The following ZNF630 variants were observed in gnomAD, a reference collection of about 807,000 sequenced individuals.
ZNF630 encodes the protein zinc finger protein 630, also known as dJ54B20.2 (novel KRAB box containing C2H2 type zinc finger protein).
ZNF630 carries 5 observed loss-of-function variants against 7.2 expected under a neutral mutation model. That is an observed-to-expected ratio of 0.70 (90% CI 0.36 to 1.46). ZNF630 has a LOEUF of 1.46. Among genes scored for constraint, ZNF630 ranks in the 40% most tolerant of loss-of-function variants. The pLI is 0.03. For synonymous variants in ZNF630, 158 were observed against 162.8 expected, an observed-to-expected ratio of 0.97 and a Z score of 0.23; for missense variants, 461 against 477.0, an observed-to-expected ratio of 0.97 and a Z score of 0.31.
chrX:48,070,392 C>T (rs2059154632), intron 1 of ZNF630, among the ~76,000 whole-genome samples: 1 of 107,520 alleles, frequency 9.3e-6, no homozygotes, highest in Non-Finnish European at 1.9e-5. Context: ...GGGTGTATCA[C>T]CTGAGGTCAA....
At position 48,059,079 on chromosome X, in the gene ZNF630, C is replaced by T. The variant is rs201953169; in HGVS notation, c.1363G>A (p.Gly455Arg). 1.2e-4 allele frequency: 143 copies of T among 1,206,699 alleles called. No individual in the cohort carries two copies. In the East Asian group the frequency reaches 3.0e-3, roughly 26 times the overall value. The part of the protein sequence containing the change: ...HLIGHQRIHT[G>R]EKPYVCTDCG... ...TCAGTACACACATAAGGTTTTTCTC[C>T]TGTATGAATTCTTTGATGTCCTATG... Residue 455 changes from glycine to arginine, a missense_variant, in exon 5 of 5, where the codon GGA becomes AGA. Coordinates refer to ENST00000276054, the MANE Select transcript of ZNF630 (RefSeq NM_001282201.2).
At position 48,069,097 on chromosome X, in the gene ZNF630, C is replaced by A. The variant is rs782487257; in HGVS notation, c.-175-2036G>T. On this transcript the variant is annotated intron_variant, in intron 1 of 4. Transcript: ENST00000276054. ...TCTACAAAAAATAAACAAAATTAGCCGGGCGTGGTGGTGCACACCTGTAGT... is the reference window on the plus strand; with the variant it reads ...TCTACAAAAAATAAACAAAATTAGCAGGGCGTGGTGGTGCACACCTGTAGT... Among the ~76,000 whole-genome samples the A allele has an allele frequency of 3.2e-4, 35 of 109,689 alleles. 1 individual carries two copies. Among genetic ancestry groups the A allele is most frequent in the African/African-American group, 1.1e-3 (33 of 29,971 alleles).
rs1266838392 is a variant in ZNF630, at chrX:48,071,418, C to T, written c.-327G>A. 2.7e-5 allele frequency: 3 copies of T among 111,266 alleles called. No individual in the cohort carries two copies. Among genetic ancestry groups the T allele is most frequent in the African/African-American group, 9.8e-5 (3 of 30,482 alleles). The allele number at this position is 111,266 out of a possible 1,213,427, so 9.2% of individuals were successfully genotyped here. Reference sequence around the variant, plus strand: ...GGTGGCTCCGAAACAGCCACGAAGCCGAGCTCTACCAGTAACAAAAATGGC... The same window carrying T: ...GGTGGCTCCGAAACAGCCACGAAGCTGAGCTCTACCAGTAACAAAAATGGC... On this transcript the variant is annotated 5_prime_UTR_variant, in exon 1 of 5. Transcript: ENST00000276054.
intron 2 of ZNF630, among the ~76,000 whole-genome samples, chrX:48,062,023 A>C (rs1556909266): frequency 8.9e-6 from 1 of 112,015 alleles, no homozygotes; most frequent in Non-Finnish European, 1.9e-5. Flanking sequence ...CATGAAGATA[A>C]ATGCAAACTA....
chrX:48,062,574 A>G (rs1048270803), intron 2 of ZNF630, among the ~76,000 whole-genome samples: 2 of 112,047 alleles, frequency 1.8e-5, no homozygotes, highest in South Asian at 7.3e-4. Context: ...TCTCTACTAA[A>G]AATACAAAAA....
chrX:48,068,296 G>A (rs1556910482), intron 1 of ZNF630, among the ~76,000 whole-genome samples: 1 of 96,732 alleles, frequency 1.0e-5, no homozygotes, highest in South Asian at 4.6e-4. Flanking sequence ...AGGAAGGAAG[G>A]AAGAAAGGGA....
chrX:48,061,358 C>T (rs782452978), intron 2 of ZNF630, among the ~76,000 whole-genome samples: 1 of 110,413 alleles, frequency 9.1e-6, no homozygotes, highest in South Asian at 3.8e-4. Flanking sequence ...CTAAGCATGC[C>T]CCAAAACCCA....
intron 4 of ZNF630, 52 bp downstream of exon 4, chrX:48,060,398 T>G: frequency 1.8e-6 from 2 of 1,095,619 alleles, no homozygotes; most frequent in South Asian, 4.0e-5. Context: ...ATGTCAGAGA[T>G]GTCAAGGAAG....
In ZNF630 at chrX:48,059,003, A is replaced by T; in HGVS notation, c.1439T>A (p.Leu480His). 8.3e-7 allele frequency: 1 copy of T among 1,206,723 alleles called. No individual in the cohort carries two copies. ...QKSHLTGHQRLHTGEKPYMCT... is the reference protein window; with the variant it reads ...QKSHLTGHQRHHTGEKPYMCT... ...CATATAAGGTTTCTCTCCAGTATGAAGTCTTTGATGGCCAGTGAGGTGTGA... is the reference window on the plus strand; with the variant it reads ...CATATAAGGTTTCTCTCCAGTATGATGTCTTTGATGGCCAGTGAGGTGTGA... The change falls in exon 5 of 5, where the codon CTT becomes CAT. Residue 480 changes from leucine (L) to histidine (H), a missense_variant. By Grantham distance (99) the Leu-to-His change is moderately conservative. Transcript: ENST00000276054.
chrX:48,062,335 G>T (rs1482780537), intron 2 of ZNF630, among the ~76,000 whole-genome samples: 6 of 112,634 alleles, frequency 5.3e-5, no homozygotes, highest in Non-Finnish European at 1.1e-4. Context: ...CTGCTCTACA[G>T]TACTATTTAT....
At chrX:48,069,959 T>G (rs1338018967) in intron 1 of ZNF630, among the ~76,000 whole-genome samples, 12 of 107,277 alleles carry the variant, frequency 1.1e-4, no homozygotes, top group African/African-American at 4.1e-4. Flanking sequence ...CCTGGTTCAC[T>G]CCATTCTCCT....
chrX:48,068,166 AGAAGGAAG>A (rs199852662), intron 1 of ZNF630, among the ~76,000 whole-genome samples: 25,628 of 83,932 alleles, frequency 0.31, 4,003 homozygotes, highest in Non-Finnish European at 0.36. Flanking sequence ...GGAGGGAGGA[AGAAGGAAG>A]GAAGGAAGGA....
intron 3 of ZNF630, 81 bp from the exon 4 acceptor site, chrX:48,060,626 C>A: frequency 1.0e-6 from 1 of 979,437 alleles, no homozygotes; most frequent in Non-Finnish European, 1.4e-6. Context: ...GGCCTCCCAG[C>A]AAAGTTGGAT....
At chrX:48,068,051 T>G (rs1603237439) in intron 1 of ZNF630, among the ~76,000 whole-genome samples, 6 of 95,254 alleles carry the variant, frequency 6.3e-5, no homozygotes, top group African/African-American at 1.2e-4. Context: ...AACGAGCGAG[T>G]GAGGAAAGAG....
chrX:48,070,694 G>A (rs2059156497), intron 1 of ZNF630, among the ~76,000 whole-genome samples: 1 of 108,597 alleles, frequency 9.2e-6, no homozygotes, highest in South Asian at 4.0e-4. Context: ...CAAAAGACAG[G>A]CCCCTCACAA....
chrX:48,071,099 C>A (rs2059158461), intron 1 of ZNF630, 168 bp downstream of exon 1: 1 of 110,261 alleles, frequency 9.1e-6, no homozygotes, highest in Admixed American at 9.8e-5. Flanking sequence ...CACAGATCCC[C>A]CATCACCCCA....
intron 2 of ZNF630, among the ~76,000 whole-genome samples, chrX:48,062,131 G>C (rs782158242): frequency 1.8e-5 from 2 of 111,703 alleles, no homozygotes; most frequent in South Asian, 7.4e-4. Flanking sequence ...CAGTGACTTA[G>C]GGTAAGTTAG....
chrX:48,066,022 T>G (rs2059129312), intron 2 of ZNF630, among the ~76,000 whole-genome samples: 1 of 111,422 alleles, frequency 9.0e-6, no homozygotes, highest in Admixed American at 9.5e-5. Context: ...CTTTCGTATA[T>G]ATTTTATATT....
chrX:48,060,816 T>C lies in ZNF630; in HGVS notation c.142+3A>G. ...CATTGGTACACAGGGAATCTGCCCT[T>C]ACCCACGGAGACCAGGTGATTATAG... is the stretch of plus-strand genomic sequence containing the variant. On this transcript the variant is annotated splice_donor_region_variant and intron_variant, in intron 3 of 4. Coordinates refer to ENST00000276054, the MANE Select transcript of ZNF630 (RefSeq NM_001282201.2). 2 of 1,193,226 alleles carry C rather than the reference T, an allele frequency of 1.7e-6. No individual in the cohort carries two copies. The highest frequency in any genetic ancestry group is 2.3e-6 in the Non-Finnish European group (2 of 883,956).
Sources: allele counts gnomAD v4.1 joint callset (sites outside exome capture counted in the v4.1 genomes callset), GRCh38; gene constraint gnomAD v4.1.1; transcripts MANE v1.5; gene names NCBI Gene and HGNC (gene_info 2026-07-23, HGNC 2026-07-21).